HDC: variants seen among roughly 807,000 people sequenced by gnomAD.
HDC encodes the protein histidine decarboxylase.
A neutral mutation model predicts 64.4 loss-of-function variants in HDC; 27 were observed. The observed-to-expected ratio is 0.42, with a 90% CI of 0.31 to 0.58. HDC has a LOEUF of 0.58. Ranked by LOEUF, HDC falls within the 20% of genes least tolerant of loss-of-function variation. HDC has a pLI of 0.16. For missense variants in HDC, 711 were observed against 833.9 expected (o/e 0.85, Z 1.81); for synonymous variants, 305 against 314.2 (o/e 0.97, Z 0.31).
intron 6 of HDC, 148 bp from the exon 7 acceptor site, chr15:50,253,814 A>C: frequency 1.4e-6 from 1 of 732,802 alleles, no homozygotes; most frequent in Non-Finnish European, 2.4e-6. Context: ...CATGGCTCGT[A>C]AGAAACACAT....
At chr15:50,259,871 A>G (rs1350858465) in intron 2 of HDC, among the ~76,000 whole-genome samples, 3 of 152,168 alleles carry the variant, frequency 2.0e-5, no homozygotes, top group Non-Finnish European at 4.4e-5. Flanking sequence ...GACAGTGTGT[A>G]TAGTATAAGG....
intron 1 of HDC, among the ~76,000 whole-genome samples, chr15:50,264,327 A>G (rs1311792566): frequency 6.6e-6 from 1 of 152,142 alleles, no homozygotes; most frequent in African/African-American, 2.4e-5. Flanking sequence ...CAGAATCCCT[A>G]AAGCACAACC....
chr15:50,257,661 G>A (rs2045650535), intron 3 of HDC, 114 bp from the exon 4 acceptor site: 4 of 1,269,690 alleles, frequency 3.2e-6, no homozygotes, highest in Non-Finnish European at 4.6e-6. Flanking sequence ...TTCTGGAGAA[G>A]GGGTCATGTT....
In HDC at chr15:50,260,052, C is replaced by T. The variant is rs564569674; in HGVS notation, c.205-1535G>A. ...TTTTTTTTTTTTTGAGACAGATTCTCGCACTGTCACCAGGGCTGGAGTGCA... is the reference window on the plus strand; with the variant it reads ...TTTTTTTTTTTTTGAGACAGATTCTTGCACTGTCACCAGGGCTGGAGTGCA... On this transcript the variant is annotated intron_variant, in intron 2 of 11. Coordinates refer to ENST00000267845, the MANE Select transcript of HDC (RefSeq NM_002112.4). Among the ~76,000 whole-genome samples, 7 of 149,778 alleles carry T rather than the reference C, an allele frequency of 4.7e-5. 1 individual carries two copies. In the South Asian group the frequency reaches 1.5e-3, roughly 32 times the overall value.
chr15:50,261,778 CA>C lies in HDC; in HGVS notation c.204+1456del, dbSNP rs561154472. Among the ~76,000 whole-genome samples the C allele has an allele frequency of 5.8e-3, 880 of 151,238 alleles. 3 individuals are homozygous for C. The highest frequency in any genetic ancestry group is 0.014 in the Middle Eastern group (4 of 292). ...AGGCTGGAGTGCAACGGCGCTATCT[CA>C]GCTCACCGCAACCTCCGCCTCCCGG... On this transcript the variant is annotated intron_variant, in intron 2 of 11. Coordinates refer to ENST00000267845, the MANE Select transcript of HDC (RefSeq NM_002112.4).
chr15:50,252,221 A>G (rs1450457008), intron 9 of HDC, among the ~76,000 whole-genome samples: 1 of 152,148 alleles, frequency 6.6e-6, no homozygotes, highest in East Asian at 1.9e-4. Flanking sequence ...GGCTGGTCTC[A>G]TTTTCTAGGG....
In HDC at chr15:50,242,097, A is replaced by G; in HGVS notation, c.*163T>C. On this transcript the variant is annotated 3_prime_UTR_variant, in exon 12 of 12. Transcript: ENST00000267845. ...ATGCTGGCTTAAACTCTTCGTTTGT[A>G]TCCTATTGTGGGTCATGAACCCCTA... 1 of 702,434 alleles carries G rather than the reference A, an allele frequency of 1.4e-6. No homozygotes were observed. The highest frequency in any genetic ancestry group is 1.8e-5 in the African/African-American group (1 of 56,734). The allele number at this position is 702,434 out of a possible 1,614,324, so 43.5% of individuals were successfully genotyped here.
chr15:50,265,718 T>C lies in HDC; in HGVS notation c.-95A>G. ...AGCCCGGCTTCCCTCTTGCCAGTCCTGCGCACTCCCTGGCAGCCAGTGTGG... is the reference window on the plus strand; with the variant it reads ...AGCCCGGCTTCCCTCTTGCCAGTCCCGCGCACTCCCTGGCAGCCAGTGTGG... On this transcript the variant is annotated 5_prime_UTR_variant, in exon 1 of 12. Transcript: ENST00000267845. 8.8e-7 allele frequency: 1 copy of C among 1,138,608 alleles called. No individual in the cohort carries two copies. The highest frequency in any genetic ancestry group is 1.3e-6 in the Non-Finnish European group (1 of 752,828). 70.5% of individuals were successfully genotyped at this position (1,138,608 alleles called of 1,614,324 possible).
At chr15:50,254,785 T>A in intron 4 of HDC, 121 bp from the exon 5 acceptor site, 1 of 977,086 alleles carries the variant, frequency 1.0e-6, no homozygotes, top group Non-Finnish European at 1.6e-6. Flanking sequence ...TCTGTGTGTG[T>A]ATGTGTTTGT....
rs776401090 is a variant in HDC at position 50,252,698 on chromosome 15, C to A, written c.864G>T (p.Gly288=). Reference sequence around the variant, plus strand: ...CGGCATACTCAATCCCCTTCAGAAACCCCCGGAACTCGGGGCACAGGAAGG... The same window carrying A: ...CGGCATACTCAATCCCCTTCAGAAAACCCCGGAACTCGGGGCACAGGAAGG... ...GTAFLCPEFR[G]FLKGIEYADS... Residue 288 remains glycine, a synonymous_variant, in exon 8 of 12, where the codon GGG becomes GGT. Coordinates refer to ENST00000267845, the MANE Select transcript of HDC (RefSeq NM_002112.4). The A allele has an allele frequency of 3.1e-6, 5 of 1,614,080 alleles. 1 individual carries two copies. The South Asian group carries it at 4.4e-5, about 14-fold the overall frequency.
At chr15:50,244,954 G>C (rs1454576277) in intron 10 of HDC, 1 of 152,148 alleles carries the variant, frequency 6.6e-6, no homozygotes, top group African/African-American at 2.4e-5. Flanking sequence ...TTTTTTAGAA[G>C]GAACCAAGGG....
At chr15:50,243,048 CT>C in intron 11 of HDC, 42 bp from the exon 12 acceptor site, 1 of 1,614,088 alleles carries the variant, frequency 6.2e-7, no homozygotes, top group Non-Finnish European at 8.5e-7. Context: ...ATCGCACCCC[CT>C]GTCAGCATCC....
intron 9 of HDC, among the ~76,000 whole-genome samples, chr15:50,252,095 CAA>C (rs1310305138): frequency 6.6e-6 from 1 of 152,086 alleles, no homozygotes; most frequent in Non-Finnish European, 1.5e-5. Context: ...GGGTAAGAAA[CAA>C]AAAAGATGAC....
intron 9 of HDC, among the ~76,000 whole-genome samples, chr15:50,250,327 C>T (rs1424102008): frequency 6.6e-6 from 1 of 152,192 alleles, no homozygotes; most frequent in East Asian, 1.9e-4. Context: ...ATAGCAACTT[C>T]ACTTTTCTAG....
chr15:50,242,315 C>T lies in HDC; in HGVS notation c.1934G>A (p.Cys645Tyr), dbSNP rs1362068856. The T allele has an allele frequency of 6.2e-7, 1 of 1,614,070 alleles. No homozygotes were observed. Residue 645 changes from cysteine (C) to tyrosine (Y), a missense_variant, in exon 12 of 12, where the codon TGC (cysteine) becomes TAC (tyrosine). Cys to Tyr is a radical substitution (Grantham distance 194). Transcript: ENST00000267845. ...KFYSVPSFPE[C>Y]SSQCGLQLPC... ...CAGCTGGAGTCCACATTGAGAGCTG[C>T]ATTCAGGAAAGCTGGGGACGCTGTA...
At chr15:50,249,339 C>T (rs575553126) in intron 9 of HDC, among the ~76,000 whole-genome samples, 10 of 152,206 alleles carry the variant, frequency 6.6e-5, no homozygotes, top group Non-Finnish European at 1.3e-4. Context: ...CTCCCTCAAA[C>T]GTCAGAAAGT....
chr15:50,243,314 T>C, intron 10 of HDC, 70 bp from the exon 11 acceptor site: 1 of 1,053,044 alleles, frequency 9.5e-7, no homozygotes, highest in South Asian at 1.3e-5. Flanking sequence ...ACTTTCAGAC[T>C]GCTAAATGGT....
chr15:50,242,426 C>G lies in HDC; in HGVS notation c.1823G>C (p.Gly608Ala), dbSNP rs2045408047. The G allele has an allele frequency of 6.2e-7, 1 of 1,614,024 alleles. No homozygotes were observed. The highest frequency in any genetic ancestry group is 8.5e-7 in the Non-Finnish European group (1 of 1,180,022). Residue 608 changes from glycine to alanine, a missense_variant, in exon 12 of 12, where the codon GGC becomes GCC. Coordinates refer to ENST00000267845, the MANE Select transcript of HDC (RefSeq NM_002112.4). ...LPTEASVKNG[G>A]SSRVRIFSRF... Reference sequence around the variant, plus strand: ...GGAAAAGATTCTGACCCTGGAGGAGCCCCCATTCTTCACAGAGGCCTCTGT... The same window carrying G: ...GGAAAAGATTCTGACCCTGGAGGAGGCCCCATTCTTCACAGAGGCCTCTGT...
chr15:50,260,023 CTTTTT>C (rs141659908), intron 2 of HDC, among the ~76,000 whole-genome samples: 1 of 142,578 alleles, frequency 7.0e-6, no homozygotes, highest in Non-Finnish European at 1.5e-5. Flanking sequence ...GAGATTCATT[CTTTTT>C]TTTTTTTTTT....
Sources: gnomAD v4.1 joint callset for allele counts (sites outside exome capture counted in the v4.1 genomes callset) on GRCh38, gnomAD v4.1.1 for gene constraint, MANE v1.5 for transcripts, NCBI Gene and HGNC (gene_info 2026-07-23, HGNC 2026-07-21) for gene names.